The following TBXAS1 variants were observed in gnomAD, a reference collection of about 807,000 sequenced individuals.
TBXAS1 encodes thromboxane A synthase 1.
In TBXAS1, 48 loss-of-function variants were observed where a neutral mutation model predicts 60.7. The observed-to-expected ratio is 0.79, with a 90% CI of 0.63 to 1.01. The LOEUF is 1.01. TBXAS1 is among the 50% of genes least tolerant of loss of function. TBXAS1 has a pLI of 0.00. For missense variants in TBXAS1, 685 were observed against 686.3 expected, an observed-to-expected ratio of 1.00 and a Z score of 0.02; for synonymous variants, 287 against 269.7, an observed-to-expected ratio of 1.06 and a Z score of -0.63.
intron 3 of TBXAS1, among the ~76,000 whole-genome samples, chr7:139,889,467 G>T (rs974590257): frequency 2.0e-5 from 3 of 152,210 alleles, no homozygotes; most frequent in Admixed American, 2.0e-4. Context: ...GTTGAACAGG[G>T]CAAAGACAAA....
chr7:139,972,007 A>C (rs915560687), intron 9 of TBXAS1, among the ~76,000 whole-genome samples: 1 of 152,110 alleles, frequency 6.6e-6, no homozygotes, highest in South Asian at 2.1e-4. Flanking sequence ...GCCAAGACCC[A>C]CATGCCTGCA....
At chr7:139,787,101 G>A (rs1397066514) in intron 3 of TBXAS1, among the ~76,000 whole-genome samples, 1 of 152,178 alleles carries the variant, frequency 6.6e-6, no homozygotes, top group African/African-American at 2.4e-5. Flanking sequence ...CACAGTCTGT[G>A]TATAGATCTT....
chr7:139,906,816 T>C (rs1372058449), intron 3 of TBXAS1, among the ~76,000 whole-genome samples: 1 of 152,236 alleles, frequency 6.6e-6, no homozygotes, highest in Admixed American at 6.5e-5. Context: ...AATGGCAATG[T>C]GCTTTCATTT....
intron 4 of TBXAS1, among the ~76,000 whole-genome samples, chr7:139,804,158 G>T (rs1490521069): frequency 6.6e-6 from 1 of 152,222 alleles, no homozygotes; most frequent in Non-Finnish European, 1.5e-5. Flanking sequence ...AGGCAGAGCT[G>T]CCCAGGGCTG....
chr7:139,867,610 C>G (rs1801516615), intron 1 of TBXAS1, among the ~76,000 whole-genome samples: 1 of 152,108 alleles, frequency 6.6e-6, no homozygotes, highest in African/African-American at 2.4e-5. Flanking sequence ...CGCCTGAGGT[C>G]AGGAGTTCAA....
chr7:140,018,061 C>A (rs1815240988), intron 12 of TBXAS1, among the ~76,000 whole-genome samples: 1 of 152,238 alleles, frequency 6.6e-6, no homozygotes, highest in Admixed American at 6.5e-5. Flanking sequence ...TGAGTTCACA[C>A]AGCGCTCAGG....
At chr7:139,987,521 C>A (rs1368994336) in intron 9 of TBXAS1, among the ~76,000 whole-genome samples, 1 of 152,170 alleles carries the variant, frequency 6.6e-6, no homozygotes, top group Non-Finnish European at 1.5e-5. Flanking sequence ...GCCTGTCTGG[C>A]CATTATTCTT....
Position 140,015,853 on chromosome 7 carries a change from C to G in TBXAS1, c.1357C>G (p.Pro453Ala). 6.2e-7 allele frequency: 1 copy of G among 1,613,870 alleles called. No homozygotes were observed. The highest frequency in any genetic ancestry group is 2.2e-5 in the East Asian group (1 of 44,884). ...EHWPSPETFN[P>A]ERFTAEARQQ... ...CTGGCCAAGCCCGGAGACCTTCAACCCTGAAAGGTGAGTACTGCCCCTTTT... is the reference window on the plus strand; with the variant it reads ...CTGGCCAAGCCCGGAGACCTTCAACGCTGAAAGGTGAGTACTGCCCCTTTT... The change falls in exon 11 of 13, where the codon CCT (proline) becomes GCT (alanine). Residue 453 changes from proline (P) to alanine (A), a missense_variant. By Grantham distance (27) the Pro-to-Ala change is conservative. Coordinates refer to ENST00000448866, the MANE Select transcript of TBXAS1 (RefSeq NM_001061.7).
intron 6 of TBXAS1, 188 bp downstream of exon 6, chr7:139,953,644 G>C (rs1339908377): frequency 1.7e-6 from 1 of 597,616 alleles, no homozygotes. Context: ...GATGTGAGCA[G>C]AGCCAGGGTA....
At chr7:139,807,074 C>T (rs1229132046) in intron 4 of TBXAS1, among the ~76,000 whole-genome samples, 1 of 152,232 alleles carries the variant, frequency 6.6e-6, no homozygotes, top group African/African-American at 2.4e-5. Flanking sequence ...GGTCTGGCCA[C>T]TCTGCAGTCC....
At chr7:139,809,222 AGATAGATAGAT>A (rs1335224886) in intron 4 of TBXAS1, among the ~76,000 whole-genome samples, 2 of 128,154 alleles carry the variant, frequency 1.6e-5, no homozygotes, top group Admixed American at 8.4e-5. Context: ...ATAGATAGAT[AGATAGATAGAT>A]GATAGATAGA....
At chr7:139,953,312 A>G (rs200794057) in intron 5 of TBXAS1, 56 bp from the exon 6 acceptor site, 3 of 1,462,902 alleles carry the variant, frequency 2.1e-6, no homozygotes, top group African/African-American at 1.4e-5. Context: ...TCTGCAGCCA[A>G]TTTAGGTGTA....
intron 9 of TBXAS1, among the ~76,000 whole-genome samples, chr7:139,991,307 G>A (rs1051043125): frequency 8.6e-5 from 13 of 151,718 alleles, no homozygotes; most frequent in African/African-American, 1.5e-4. Context: ...ATGCAGGTCC[G>A]TGACCCCCAC....
intron 9 of TBXAS1, among the ~76,000 whole-genome samples, chr7:139,990,700 C>T (rs1166646589): frequency 6.6e-6 from 1 of 150,744 alleles, no homozygotes; most frequent in Non-Finnish European, 1.5e-5. Context: ...GCACTGTGCT[C>T]TCCCTGCCCC....
chr7:139,832,016 C>T (rs1798732800), intron 1 of TBXAS1, among the ~76,000 whole-genome samples: 1 of 152,178 alleles, frequency 6.6e-6, no homozygotes, highest in South Asian at 2.1e-4. Flanking sequence ...ACTGCAGCTC[C>T]AGACAAAGCA....
chr7:139,874,362 G>A (rs922080033), intron 2 of TBXAS1, among the ~76,000 whole-genome samples: 3 of 152,164 alleles, frequency 2.0e-5, no homozygotes, highest in Non-Finnish European at 4.4e-5. Flanking sequence ...GGAAAACGGC[G>A]TAGCTGTCGA....
chr7:139,883,535 A>G (rs1253657492), intron 3 of TBXAS1, among the ~76,000 whole-genome samples: 1 of 152,194 alleles, frequency 6.6e-6, no homozygotes, highest in Non-Finnish European at 1.5e-5. Flanking sequence ...AAGAACCTGT[A>G]TTAATTCCCT....
chr7:139,874,488 GCTGA>G (rs1465755791), intron 2 of TBXAS1, among the ~76,000 whole-genome samples: 2 of 152,134 alleles, frequency 1.3e-5, no homozygotes, highest in African/African-American at 4.8e-5. Flanking sequence ...TAGTAATTTC[GCTGA>G]CTATTTTTAT....
chr7:139,780,152 C>G (rs1276065976), intron 1 of TBXAS1, among the ~76,000 whole-genome samples: 2 of 152,206 alleles, frequency 1.3e-5, no homozygotes, highest in African/African-American at 4.8e-5. Flanking sequence ...GTAATGTTCT[C>G]CTTTTGCATC....
Sources: gnomAD v4.1 joint callset for allele counts (sites outside exome capture counted in the v4.1 genomes callset) on GRCh38, gnomAD v4.1.1 for gene constraint, MANE v1.5 for transcripts, NCBI Gene and HGNC (gene_info 2026-07-23, HGNC 2026-07-21) for gene names.